The following PDILT variants were observed in gnomAD, a reference collection of about 807,000 sequenced individuals.
The protein encoded by PDILT is protein disulfide-isomerase-like protein of the testis.
PDILT carries 43 observed loss-of-function variants against 53.7 expected under a neutral mutation model. That is an observed-to-expected ratio of 0.80 (90% confidence interval 0.63 to 1.03). PDILT has a LOEUF of 1.03. Ranked by LOEUF, PDILT falls within the 50% of genes least tolerant of loss-of-function variation. PDILT has a pLI of 0.00. For missense variants in PDILT, 727 were observed against 712.3 expected (o/e 1.02, Z -0.24); for synonymous variants, 282 against 274.2 (o/e 1.03, Z -0.28).
At position 20,359,466 on chromosome 16, in the gene PDILT, A is replaced by G. The variant is rs757657391; in HGVS notation, c.1608T>C (p.Pro536=). The change falls in exon 12 of 12, where the codon CCT becomes CCC. Residue 536 remains proline (P), a synonymous_variant. Coordinates refer to ENST00000302451, the MANE Select transcript of PDILT (RefSeq NM_174924.2). ...MRKGLPEQQS[P]ELENMTKYVS... ...CGTACTTGGTCATGTTCTCCAGCTC[A>G]GGCGACTGCTGTTCAGGTAACCCTT... 5.6e-6 allele frequency: 9 copies of G among 1,614,060 alleles called. No individual in the cohort carries two copies. The highest frequency in any genetic ancestry group is 7.6e-6 in the Non-Finnish European group (9 of 1,180,038).
Position 20,376,139 on chromosome 16 carries a change from A to T in PDILT, c.472T>A (p.Leu158Met). ...LRRQISQKAF[L>M]FNSSEQVAEF... ...GCCACCTGCTCGCTGCTGTTGAACA[A>T]AAATGCTTTCTGGCTAATTTGTCGT... The change falls in exon 4 of 12, where the codon TTG becomes ATG. Residue 158 changes from leucine (L) to methionine (M), a missense_variant. Transcript: ENST00000302451. The T allele has an allele frequency of 6.2e-7, 1 of 1,614,218 alleles. No individual in the cohort carries two copies. Among genetic ancestry groups the T allele is most frequent in the Non-Finnish European group, 8.5e-7 (1 of 1,180,030 alleles).
rs377332564 is a variant in PDILT, at chr16:20,384,658, G to A, written c.396C>T (p.Pro132=). ...KLFFEGNRSE[P]ISCKGVVESA... ...AAGCACCATTACCTTTGCAGCTGAT[G>A]GGCTCTGACCTGTTGCCCTCAAAAA... The change falls in exon 3 of 12, where the codon CCC becomes CCT. Residue 132 remains proline (P), a synonymous_variant. Transcript: ENST00000302451. 5.1e-5 allele frequency: 82 copies of A among 1,614,040 alleles called. No individual in the cohort carries two copies. Among genetic ancestry groups the A allele is most frequent in the Non-Finnish European group, 6.5e-5 (77 of 1,180,026 alleles).
intron 2 of PDILT, among the ~76,000 whole-genome samples, chr16:20,388,088 A>G (rs1966563396): frequency 6.6e-6 from 1 of 152,096 alleles, no homozygotes; most frequent in Non-Finnish European, 1.5e-5. Flanking sequence ...GTGAAAGAGA[A>G]GAGTCAAGGG....
rs148926295 is a variant in PDILT at position 20,372,909 on chromosome 16, C to T, written c.811G>A (p.Glu271Lys). 33 of 1,614,064 alleles carry T rather than the reference C, an allele frequency of 2.0e-5. No homozygotes were observed. Among genetic ancestry groups the T allele is most frequent in the Middle Eastern group, 3.3e-4 (2 of 6,062 alleles). The change falls in exon 7 of 12, where the codon GAG becomes AAG. Residue 271 changes from glutamate to lysine, a missense_variant. Transcript: ENST00000302451. The part of the protein sequence containing the change: ...YNTENKDLIS[E>K]LHIMSHMLLF... Reference sequence around the variant, plus strand: ...AGCATGTGACTCATGATGTGCAACTCGGAAATCAGATCCTTATTCTGAAAT... The same window carrying T: ...AGCATGTGACTCATGATGTGCAACTTGGAAATCAGATCCTTATTCTGAAAT...
intron 7 of PDILT, among the ~76,000 whole-genome samples, chr16:20,370,349 A>G (rs1244041872): frequency 6.6e-6 from 1 of 152,250 alleles, no homozygotes; most frequent in Non-Finnish European, 1.5e-5. Context: ...GTTAGACAAT[A>G]AAACAGGGCA....
chr16:20,365,711 T>C (rs1436760762), intron 8 of PDILT, among the ~76,000 whole-genome samples, 171 bp from the exon 9 acceptor site: 1 of 152,166 alleles, frequency 6.6e-6, no homozygotes, highest in Non-Finnish European at 1.5e-5. Flanking sequence ...CAACCCTGGA[T>C]GGTTCAGGGC....
At chr16:20,401,543 C>T (rs1376305381) in intron 1 of PDILT, among the ~76,000 whole-genome samples, 4 of 152,212 alleles carry the variant, frequency 2.6e-5, no homozygotes, top group African/African-American at 9.7e-5. Context: ...CCTCGGTGCC[C>T]AGAATCCCTT....
intron 9 of PDILT, 88 bp downstream of exon 9, chr16:20,365,332 G>A (rs1596578525): frequency 1.3e-6 from 2 of 1,488,580 alleles, no homozygotes; most frequent in Non-Finnish European, 1.9e-6. Flanking sequence ...ATGGGTTTTA[G>A]AGATTTCAGT....
At chr16:20,360,174 A>T (rs1361308667) in intron 11 of PDILT, among the ~76,000 whole-genome samples, 1 of 151,604 alleles carries the variant, frequency 6.6e-6, no homozygotes, top group Non-Finnish European at 1.5e-5. Flanking sequence ...CTTAATTAAT[A>T]CAGAGGGCAC....
chr16:20,397,472 A>G (rs1263201175), intron 2 of PDILT, among the ~76,000 whole-genome samples: 1 of 152,168 alleles, frequency 6.6e-6, no homozygotes, highest in Non-Finnish European at 1.5e-5. Context: ...CCCATTTTAC[A>G]GTCAAGTAAA....
chr16:20,367,381 C>G (rs1364745911), intron 8 of PDILT, among the ~76,000 whole-genome samples: 3 of 152,146 alleles, frequency 2.0e-5, no homozygotes, highest in African/African-American at 7.2e-5. Context: ...CACACCCGCT[C>G]TAGCCTCTGG....
In PDILT at chr16:20,399,192, C is replaced by G; in HGVS notation, c.109G>C (p.Val37Leu). 6.2e-7 allele frequency: 1 copy of G among 1,614,174 alleles called. No individual in the cohort carries two copies. The highest frequency in any genetic ancestry group is 1.1e-5 in the South Asian group (1 of 91,074). The change falls in exon 2 of 12, where the codon GTG (valine) becomes CTG (leucine). Residue 37 changes from valine (V) to leucine (L), a missense_variant. Val to Leu is a conservative substitution (Grantham distance 32, BLOSUM62 1). Coordinates refer to ENST00000302451, the MANE Select transcript of PDILT (RefSeq NM_174924.2). ...GVSSIHITKPVHILEERSLLV... is the reference protein window; with the variant it reads ...GVSSIHITKPLHILEERSLLV... ...AGACTGCGTTCCTCCAGGATGTGCA[C>G]AGGCTTGGTTATGTGGATGCTGGAA...
chr16:20,381,187 T>G lies in PDILT; in HGVS notation c.409+3458A>C, dbSNP rs999522499. Among the ~76,000 whole-genome samples, 3 of 152,246 alleles carry G rather than the reference T, an allele frequency of 2.0e-5. No homozygotes were observed. The South Asian group carries it at 6.2e-4, about 32-fold the overall frequency. On this transcript the variant is annotated intron_variant, in intron 3 of 11. Coordinates refer to ENST00000302451, the MANE Select transcript of PDILT (RefSeq NM_174924.2). Reference sequence around the variant, plus strand: ...CTTGGAGATTAGATGAGAATGGGACTGGGGCTTTGACCCTGCAAGGACTAA... The same window carrying G: ...CTTGGAGATTAGATGAGAATGGGACGGGGGCTTTGACCCTGCAAGGACTAA...
At chr16:20,402,495 C>T (rs868068272) in intron 1 of PDILT, among the ~76,000 whole-genome samples, 4 of 152,128 alleles carry the variant, frequency 2.6e-5, no homozygotes, top group Admixed American at 6.5e-5. Flanking sequence ...GACAGGGTTT[C>T]GCCATGTTGG....
chr16:20,368,052 G>A (rs769334545), intron 8 of PDILT, among the ~76,000 whole-genome samples: 2 of 152,194 alleles, frequency 1.3e-5, no homozygotes, highest in Non-Finnish European at 2.9e-5. Context: ...GGGATCAGGA[G>A]GGTGAGGGCA....
At chr16:20,388,012 T>A (rs1264583209) in intron 2 of PDILT, among the ~76,000 whole-genome samples, 1 of 151,930 alleles carries the variant, frequency 6.6e-6, no homozygotes, top group Non-Finnish European at 1.5e-5. Context: ...AGAGTGGTAA[T>A]GGAGGGGCTG....
rs570095995 is a variant in PDILT, at chr16:20,363,736, T to C, written c.1238-1154A>G. Reference sequence around the variant, plus strand: ...TATAGGTAATTACATGTCATGTTATTATACATATATAATTCAGAGGAGGAG... The same window carrying C: ...TATAGGTAATTACATGTCATGTTATCATACATATATAATTCAGAGGAGGAG... On this transcript the variant is annotated intron_variant, in intron 9 of 11. Coordinates refer to ENST00000302451, the MANE Select transcript of PDILT (RefSeq NM_174924.2). Among the ~76,000 whole-genome samples the C allele has an allele frequency of 7.2e-5, 11 of 152,314 alleles. No homozygotes were observed. In the South Asian group the frequency reaches 2.1e-3, roughly 29 times the overall value.
intron 5 of PDILT, among the ~76,000 whole-genome samples, chr16:20,373,611 T>A (rs1966338839): frequency 6.6e-6 from 1 of 152,246 alleles, no homozygotes; most frequent in South Asian, 2.1e-4. Context: ...TAGTGAACTA[T>A]AACCTAAACG....
chr16:20,400,664 C>T (rs989246365), intron 1 of PDILT, among the ~76,000 whole-genome samples: 1 of 152,000 alleles, frequency 6.6e-6, no homozygotes, highest in Non-Finnish European at 1.5e-5. Flanking sequence ...GTACAAGGTA[C>T]CCCCAAGGTA....
Sources: allele counts gnomAD v4.1 joint callset (sites outside exome capture counted in the v4.1 genomes callset), GRCh38; gene constraint gnomAD v4.1.1; transcripts MANE v1.5; gene names NCBI Gene and HGNC (gene_info 2026-07-23, HGNC 2026-07-21).